The following HACD2 variants were observed in gnomAD, a reference collection of about 807,000 sequenced individuals.
The protein encoded by HACD2 is very-long-chain (3R)-3-hydroxyacyl-CoA dehydratase 2.
In HACD2, 15 loss-of-function variants were observed where a neutral mutation model predicts 31.0. That is an observed-to-expected ratio of 0.48 (90% CI 0.32 to 0.75). The LOEUF is 0.75. Among genes scored for constraint, HACD2 ranks in the 30% least tolerant of loss-of-function variants. HACD2 has a pLI of 0.03. For synonymous variants in HACD2, 115 were observed against 122.2 expected, an observed-to-expected ratio of 0.94 and a Z score of 0.39; for missense variants, 283 against 313.0, an observed-to-expected ratio of 0.90 and a Z score of 0.72.
chr3:123,584,767 T>G (rs910330616), intron 1 of HACD2, 106 bp downstream of exon 1: 1 of 907,852 alleles, frequency 1.1e-6, no homozygotes, highest in African/African-American at 1.8e-5. Context: ...CCGCCGGGAA[T>G]GCACTGCCTG....
At chr3:123,501,123 C>A (rs2055897175) in intron 5 of HACD2, among the ~76,000 whole-genome samples, 1 of 151,964 alleles carries the variant, frequency 6.6e-6, no homozygotes, top group African/African-American at 2.4e-5. Context: ...ACACCACACA[C>A]AAAGACTGAA....
At chr3:123,510,955 GT>G (rs111653163) in intron 4 of HACD2, among the ~76,000 whole-genome samples, 18,698 of 133,146 alleles carry the variant, frequency 0.14, 1,513 homozygotes, top group East Asian at 0.29. Context: ...GTTTTTTTTT[GT>G]TTTTTTTTTT....
chr3:123,567,795 G>T lies in HACD2; in HGVS notation c.274-15C>A. On this transcript the variant is annotated splice_polypyrimidine_tract_variant and intron_variant, in intron 2 of 6. Transcript: ENST00000383657. ...CAATGTAAAATCTAGAGGAAAAAAGGGGAAAAAAGAGGAGAATTAGTAAGA... is the reference window on the plus strand; with the variant it reads ...CAATGTAAAATCTAGAGGAAAAAAGTGGAAAAAAGAGGAGAATTAGTAAGA... 6.7e-7 allele frequency: 1 copy of T among 1,482,532 alleles called. No homozygotes were observed. The highest frequency in any genetic ancestry group is 2.2e-5 in the Admixed American group (1 of 45,202). 91.8% of individuals were successfully genotyped at this position (1,482,532 alleles called of 1,614,324 possible). A position where few individuals can be genotyped will look rare whatever the true frequency, so the allele number is the denominator to read the frequency against.
At chr3:123,518,995 T>TAAAAAAAAA (rs67571643) in intron 4 of HACD2, among the ~76,000 whole-genome samples, 6 of 42,506 alleles carry the variant, frequency 1.4e-4, no homozygotes, top group South Asian at 9.2e-4. Context: ...AGACTCCAAC[T>TAAAAAAAAA]AAAAAAAAAA....
chr3:123,573,726 G>C (rs975018008), intron 2 of HACD2, among the ~76,000 whole-genome samples: 1 of 152,082 alleles, frequency 6.6e-6, no homozygotes, highest in African/African-American at 2.4e-5. Context: ...AAAGGGTGTT[G>C]GTTATTCACT....
intron 3 of HACD2, among the ~76,000 whole-genome samples, chr3:123,536,467 C>A (rs1470673571): frequency 6.6e-6 from 1 of 152,098 alleles, no homozygotes; most frequent in East Asian, 1.9e-4. Context: ...CCCATTGCAT[C>A]CAGGGGGAAA....
intron 3 of HACD2, among the ~76,000 whole-genome samples, chr3:123,534,463 T>C (rs1327670601): frequency 1.3e-5 from 2 of 151,866 alleles, no homozygotes; most frequent in South Asian, 2.1e-4. Flanking sequence ...AAAATAGTCA[T>C]ATAAAAATAT....
At chr3:123,556,024 C>A (rs920862348) in intron 3 of HACD2, among the ~76,000 whole-genome samples, 3 of 152,168 alleles carry the variant, frequency 2.0e-5, no homozygotes, top group African/African-American at 7.2e-5. Flanking sequence ...AAACTAGACA[C>A]AGACCTGACA....
intron 6 of HACD2, among the ~76,000 whole-genome samples, chr3:123,495,740 T>G (rs544923021): frequency 6.6e-6 from 1 of 152,166 alleles, no homozygotes; most frequent in Non-Finnish European, 1.5e-5. Flanking sequence ...TCGGAACTAT[T>G]TGGAACTATT....
At chr3:123,528,248 T>C (rs1011104114) in intron 4 of HACD2, 138 bp downstream of exon 4, 10 of 629,654 alleles carry the variant, frequency 1.6e-5, no homozygotes, top group Middle Eastern at 5.1e-4. Flanking sequence ...CTACAGTGAA[T>C]GTGAGCTTTA....
chr3:123,508,719 C>A (rs1030093394), intron 4 of HACD2, among the ~76,000 whole-genome samples: 1 of 152,166 alleles, frequency 6.6e-6, no homozygotes, highest in Non-Finnish European at 1.5e-5. Flanking sequence ...TAGGACTAGG[C>A]TTTGCTTTTG....
intron 2 of HACD2, among the ~76,000 whole-genome samples, chr3:123,581,583 C>G (rs1466885846): frequency 6.6e-6 from 1 of 152,170 alleles, no homozygotes; most frequent in Non-Finnish European, 1.5e-5. Flanking sequence ...AGTGTCAGCT[C>G]CTTGGTTCTC....
intron 1 of HACD2, chr3:123,584,436 C>G (rs1351665486): frequency 1.9e-5 from 3 of 157,994 alleles, no homozygotes; most frequent in African/African-American, 7.2e-5. Context: ...ATTTTGAAAA[C>G]AGCCGCCCAA....
chr3:123,535,870 T>C (rs2056419722), intron 3 of HACD2, among the ~76,000 whole-genome samples: 1 of 152,228 alleles, frequency 6.6e-6, no homozygotes, highest in Non-Finnish European at 1.5e-5. Context: ...CTCATTCATG[T>C]TGCTTAAGAT....
intron 3 of HACD2, among the ~76,000 whole-genome samples, chr3:123,539,448 T>C (rs946494686): frequency 2.6e-5 from 4 of 151,848 alleles, no homozygotes; most frequent in Admixed American, 2.0e-4. Context: ...TGTGTGCCTA[T>C]AGTCCCAGCT....
chr3:123,516,012 G>C (rs1172054229), intron 4 of HACD2, among the ~76,000 whole-genome samples: 1 of 152,038 alleles, frequency 6.6e-6, no homozygotes, highest in African/African-American at 2.4e-5. Context: ...CGCCCTCCTT[G>C]GCTTCCCAGA....
At chr3:123,527,183 T>A (rs1444700671) in intron 4 of HACD2, among the ~76,000 whole-genome samples, 4 of 152,212 alleles carry the variant, frequency 2.6e-5, no homozygotes, top group African/African-American at 7.2e-5. Context: ...GATAAAATTA[T>A]GAGTTGTTGG....
At chr3:123,560,540 G>A (rs1402510174) in intron 3 of HACD2, among the ~76,000 whole-genome samples, 1 of 152,046 alleles carries the variant, frequency 6.6e-6, no homozygotes, top group African/African-American at 2.4e-5. Context: ...CCATCCCCCT[G>A]CCATCACCAC....
chr3:123,526,638 A>G (rs1576751083), intron 4 of HACD2, among the ~76,000 whole-genome samples: 2 of 152,252 alleles, frequency 1.3e-5, no homozygotes, highest in African/African-American at 4.8e-5. Flanking sequence ...TAATGAGTAT[A>G]TAACAAATTA....
Sources: gnomAD v4.1 joint callset for allele counts (sites outside exome capture counted in the v4.1 genomes callset) on GRCh38, gnomAD v4.1.1 for gene constraint, MANE v1.5 for transcripts, NCBI Gene and HGNC (gene_info 2026-07-23, HGNC 2026-07-21) for gene names.